Variants in TNS1 observed in about 807,000 individuals in gnomAD.
TNS1 encodes tensin-1.
TNS1 carries 62 observed loss-of-function variants against 168.6 expected under a neutral mutation model. The observed-to-expected ratio is 0.37, with a 90% confidence interval of 0.30 to 0.45. The LOEUF (loss-of-function observed/expected upper bound fraction) is 0.45, where lower values mean the gene tolerates loss of function less well. Ranked by LOEUF, TNS1 falls within the 20% of genes least tolerant of loss-of-function variation. The pLI, the probability that TNS1 is intolerant of heterozygous loss-of-function variation, is 1.00. For missense variants in TNS1, 2,240 were observed against 2,339.4 expected (o/e 0.96, Z 0.88); for synonymous variants, 934 against 933.2 (o/e 1.00, Z -0.02).
chr2:217,863,805 T>A (rs1349335175), intron 18 of TNS1, among the ~76,000 whole-genome samples: 1 of 152,030 alleles, frequency 6.6e-6, no homozygotes, highest in Non-Finnish European at 1.5e-5. Context: ...TCTCCCAAGA[T>A]AGGCATGGTG....
At chr2:217,833,541 A>C (rs1944754692) in intron 21 of TNS1, among the ~76,000 whole-genome samples, 1 of 152,246 alleles carries the variant, frequency 6.6e-6, no homozygotes, top group Non-Finnish European at 1.5e-5. Flanking sequence ...CACCCAAGGC[A>C]AGGTGATGTC....
At chr2:217,964,793 G>A (rs185337174) in intron 3 of TNS1, among the ~76,000 whole-genome samples, 19 of 152,282 alleles carry the variant, frequency 1.2e-4, no homozygotes, top group Admixed American at 2.6e-4. Context: ...TGGGTGCGCC[G>A]GGCCGCGCCA....
At chr2:218,016,338 G>A (rs1337157079) in intron 1 of TNS1, among the ~76,000 whole-genome samples, 1 of 152,174 alleles carries the variant, frequency 6.6e-6, no homozygotes, top group Admixed American at 6.5e-5. Flanking sequence ...GAGACACCAG[G>A]AGGGAGAGAT....
intron 4 of TNS1, 34 bp from the exon 5 acceptor site, chr2:217,907,285 A>G: frequency 1.4e-6 from 1 of 702,886 alleles, no homozygotes. Flanking sequence ...ATGAGCCCTT[A>G]GGGCAGACAT....
intron 18 of TNS1, among the ~76,000 whole-genome samples, chr2:217,873,197 A>C (rs1259548218): frequency 6.6e-6 from 1 of 152,232 alleles, no homozygotes. Flanking sequence ...ATATCTATAC[A>C]GCTATTAAGT....
intron 18 of TNS1, chr2:217,858,656 G>A (rs1040806495): frequency 9.2e-5 from 44 of 480,776 alleles, no homozygotes; most frequent in East Asian, 1.8e-4. Flanking sequence ...AGCCAGTGCC[G>A]CCTGCCTGCC....
intron 4 of TNS1, among the ~76,000 whole-genome samples, chr2:217,915,237 T>C (rs150927754): frequency 3.4e-4 from 52 of 152,368 alleles, no homozygotes; most frequent in African/African-American, 1.2e-3. Flanking sequence ...GCTCCCTTTC[T>C]CTGCTTCCAG....
At chr2:217,810,389 G>T in intron 28 of TNS1, 70 bp from the exon 29 acceptor site, 1 of 1,463,338 alleles carries the variant, frequency 6.8e-7, no homozygotes, top group Non-Finnish European at 9.6e-7. Context: ...CTGGGCTGAA[G>T]GTGAGCTCTG....
chr2:217,855,554 TTATCTCTCTC>T (rs1210609650), intron 18 of TNS1, among the ~76,000 whole-genome samples: 26 of 134,298 alleles, frequency 1.9e-4, no homozygotes, highest in African/African-American at 7.3e-4. Flanking sequence ...GGAAGAGCCT[TTATCTCTCTC>T]TCTCTCTCTC....
intron 22 of TNS1, among the ~76,000 whole-genome samples, chr2:217,826,648 C>T (rs1475104086): frequency 6.6e-6 from 1 of 152,254 alleles, no homozygotes; most frequent in Non-Finnish European, 1.5e-5. Context: ...CCACTCCTCA[C>T]TCGCACCACC....
chr2:217,996,284 C>T lies in TNS1; in HGVS notation c.34-5228G>A, dbSNP rs78671279. 2.8e-3 allele frequency among the ~76,000 whole-genome samples: 424 copies of T among 152,298 alleles called. 3 individuals carry two copies. The highest frequency in any genetic ancestry group is 9.7e-3 in the African/African-American group (404 of 41,558). ...CTCCACACACAGGCCTAGGACAGAC[C>T]TGGGAGGTCAACTCCTGTCGCACTC... On this transcript the variant is annotated intron_variant, in intron 1 of 32. Coordinates refer to ENST00000682258, the MANE Select transcript of TNS1 (RefSeq NM_001387777.1).
chr2:217,850,390 G>T (rs1490983335), intron 18 of TNS1: 3 of 985,184 alleles, frequency 3.0e-6, no homozygotes, highest in East Asian at 1.1e-4. Flanking sequence ...ATGTCTTCAT[G>T]GGGGAGAGGG....
rs1449913627 is a variant in TNS1, at chr2:218,032,761, G to A, written c.156+1059C>T. Among the ~76,000 whole-genome samples, 1 of 152,200 alleles carries A rather than the reference G, an allele frequency of 6.6e-6. No individual in the cohort carries two copies. Among genetic ancestry groups the A allele is most frequent in the African/African-American group, 2.4e-5 (1 of 41,448 alleles). ...GCAACCCTCACTGGAGCCAGAGTCA[G>A]GGCACAGCAGCTGGGATGGAGCTTG... On this transcript the variant is annotated intron_variant, in intron 1 of 1. Coordinates refer to the TNS1 transcript ENST00000649572. The surrounding 1 kb of genome is among the most constrained non-coding windows in gnomAD (Gnocchi z 4.0).
chr2:217,872,181 A>G (rs1467872138), intron 18 of TNS1, among the ~76,000 whole-genome samples: 2 of 152,246 alleles, frequency 1.3e-5, no homozygotes, highest in East Asian at 3.8e-4. Context: ...AGGCCTGAGG[A>G]CAAGGAATGA....
chr2:217,966,282 T>C lies in TNS1; in HGVS notation c.186+12483A>G, dbSNP rs892683072. On this transcript the variant is annotated intron_variant, in intron 3 of 32. Transcript: ENST00000682258. ...GGAGCAGGCTGCGTGTGTGTGTGTGTGTGTGTGTGTGTGTGTGTGTGTGTG... is the reference window on the plus strand; with the variant it reads ...GGAGCAGGCTGCGTGTGTGTGTGTGCGTGTGTGTGTGTGTGTGTGTGTGTG... Among the ~76,000 whole-genome samples the C allele has an allele frequency of 1.4e-5, 2 of 142,690 alleles. 1 individual carries two copies. Among genetic ancestry groups the C allele is most frequent in the Non-Finnish European group, 3.0e-5 (2 of 67,476 alleles). 93.6% of individuals were successfully genotyped at this position (142,690 alleles called of 152,430 possible).
At chr2:218,004,809 G>C (rs1958643056), upstream of TNS1, among the ~76,000 whole-genome samples, 1 of 152,200 alleles carries the variant, frequency 6.6e-6, no homozygotes, top group African/African-American at 2.4e-5. Context: ...TCCCTGCCAG[G>C]ATCACAATGT....
chr2:217,927,328 G>A (rs1956084370), intron 3 of TNS1, among the ~76,000 whole-genome samples: 1 of 152,184 alleles, frequency 6.6e-6, no homozygotes, highest in African/African-American at 2.4e-5. Flanking sequence ...CATTGAAGCA[G>A]GCATTGGAAG....
intron 18 of TNS1, chr2:217,849,944 G>A: frequency 1.0e-6 from 1 of 985,374 alleles, no homozygotes; most frequent in Non-Finnish European, 1.2e-6. Context: ...TTTGTCTCCA[G>A]CTCAATGCAA....
intron 30 of TNS1, among the ~76,000 whole-genome samples, chr2:217,809,540 CATGGATGGATGG>C (rs1172756448): frequency 1.9e-4 from 2 of 10,540 alleles, no homozygotes; most frequent in African/African-American, 1.2e-3. Flanking sequence ...TGGATGGATG[CATGGATGGATGG>C]ATGGATGGAT....
Sources: allele counts gnomAD v4.1 joint callset (sites outside exome capture counted in the v4.1 genomes callset), GRCh38; gene constraint gnomAD v4.1.1; non-coding constraint Gnocchi (gnomAD v3.1); transcripts MANE v1.5; gene names NCBI Gene and HGNC (gene_info 2026-07-23, HGNC 2026-07-21).